The following GULP1 variants were observed in gnomAD, a reference collection of about 807,000 sequenced individuals.
GULP1 encodes GULP PTB domain containing engulfment adaptor 1.
Under a neutral mutation model 40.9 loss-of-function variants are expected in GULP1, and 19 were observed. The observed-to-expected ratio is 0.46, with a 90% CI of 0.32 to 0.68. The LOEUF is 0.68. Ranked by LOEUF, GULP1 falls within the 30% of genes least tolerant of loss-of-function variation. The pLI, the probability that GULP1 is intolerant of heterozygous loss-of-function variation, is 0.03. For synonymous variants in GULP1, 119 were observed against 117.6 expected, an observed-to-expected ratio of 1.01 and a Z score of -0.08; for missense variants, 312 against 362.2, an observed-to-expected ratio of 0.86 and a Z score of 1.12.
rs79400701 is a variant in GULP1, at chr2:188,402,150, T to C, written c.-45+18261T>C. On this transcript the variant is annotated intron_variant, in intron 2 of 11. Coordinates refer to ENST00000409830, the MANE Select transcript of GULP1 (RefSeq NM_016315.4). ...ACACTCACATCATCTTTAGGCTATT[T>C]TGATGGTAACAGAGGATAATTAATG... Among the ~76,000 whole-genome samples the C allele has an allele frequency of 2.2e-3, 329 of 152,246 alleles. 2 individuals carry two copies. Among genetic ancestry groups the C allele is most frequent in the African/African-American group, 7.7e-3 (321 of 41,568 alleles).
intron 1 of GULP1, 34 bp from the exon 2 acceptor site, chr2:188,383,729 T>G (rs1179498633): frequency 6.6e-6 from 1 of 152,230 alleles, no homozygotes; most frequent in Non-Finnish European, 1.5e-5. Flanking sequence ...TAATTATTGA[T>G]TAATTCTAAG....
chr2:188,584,555 T>C (rs894104307), intron 10 of GULP1, 152 bp downstream of exon 10: 6 of 405,768 alleles, frequency 1.5e-5, no homozygotes, highest in Admixed American at 1.3e-4. Context: ...AAATTTCCAT[T>C]AATTCTATTT....
At chr2:188,374,314 G>A (rs2048009468) in intron 1 of GULP1, among the ~76,000 whole-genome samples, 1 of 152,048 alleles carries the variant, frequency 6.6e-6, no homozygotes, top group Non-Finnish European at 1.5e-5. Context: ...GTATACATTA[G>A]TAAATAATAC....
chr2:188,338,536 C>T (rs2042572918), intron 1 of GULP1, among the ~76,000 whole-genome samples: 1 of 152,060 alleles, frequency 6.6e-6, no homozygotes, highest in Admixed American at 6.5e-5. Context: ...AACTCCTAGG[C>T]TCAAGCAACC....
At chr2:188,379,687 A>G (rs1232881892) in intron 1 of GULP1, among the ~76,000 whole-genome samples, 1 of 152,212 alleles carries the variant, frequency 6.6e-6, no homozygotes, top group Non-Finnish European at 1.5e-5. Flanking sequence ...TACAAATGTT[A>G]TAACATGGCA....
rs568722014 is a variant in GULP1 at position 188,538,828 on chromosome 2, C to CA, written c.262-2346dup. On this transcript the variant is annotated intron_variant, in intron 6 of 11. Transcript: ENST00000409830. ...CAAGGACATATACATAAGTGACACACAAAAAAATCAATCATTTCATTCTAG... is the reference window on the plus strand; with the variant it reads ...CAAGGACATATACATAAGTGACACACAAAAAAAATCAATCATTTCATTCTAG... 2.0e-5 allele frequency among the ~76,000 whole-genome samples: 3 copies of CA among 150,852 alleles called. No homozygotes were observed. The South Asian group carries it at 6.3e-4, about 32-fold the overall frequency.
chr2:188,489,884 G>A (rs1000932303), intron 4 of GULP1, among the ~76,000 whole-genome samples: 5 of 151,948 alleles, frequency 3.3e-5, no homozygotes, highest in Admixed American at 1.3e-4. Flanking sequence ...CAAAATACAA[G>A]AACAAATGGA....
chr2:188,412,770 T>C (rs1196427977), intron 2 of GULP1, among the ~76,000 whole-genome samples: 1 of 152,178 alleles, frequency 6.6e-6, no homozygotes, highest in Non-Finnish European at 1.5e-5. Flanking sequence ...GCTATTTTAG[T>C]AACAAGTAGG....
intron 2 of GULP1, among the ~76,000 whole-genome samples, chr2:188,473,218 G>A (rs10185750): frequency 0.1 from 15,918 of 152,094 alleles, 1,902 homozygotes; most frequent in African/African-American, 0.29. Context: ...GACATACTGT[G>A]TTGGGTCAGA....
At chr2:188,526,596 A>G (rs891428771) in intron 5 of GULP1, among the ~76,000 whole-genome samples, 7 of 152,144 alleles carry the variant, frequency 4.6e-5, no homozygotes, top group Non-Finnish European at 8.8e-5. Context: ...CTTAAGTTTT[A>G]GGAAAAAAAA....
At chr2:188,394,915 A>G (rs1452867878) in intron 2 of GULP1, among the ~76,000 whole-genome samples, 1 of 152,178 alleles carries the variant, frequency 6.6e-6, no homozygotes, top group Non-Finnish European at 1.5e-5. Flanking sequence ...TGGAATGGCA[A>G]AGGCCTCTTG....
intron 2 of GULP1, among the ~76,000 whole-genome samples, chr2:188,417,643 A>G (rs1268853337): frequency 3.3e-5 from 5 of 152,200 alleles, no homozygotes; most frequent in African/African-American, 4.8e-5. Flanking sequence ...ATTTGGCTCA[A>G]TGGAATTTTG....
rs148339491 is a variant in GULP1, at chr2:188,377,540, A to C, written c.-171-6223A>C. 2.8e-3 allele frequency among the ~76,000 whole-genome samples: 429 copies of C among 152,306 alleles called. 4 individuals are homozygous for C. Among genetic ancestry groups the C allele is most frequent in the African/African-American group, 9.6e-3 (397 of 41,556 alleles). Reference sequence around the variant, plus strand: ...TCCAGGAATACTGCCTGATTGTCTTAAGCCAGTCAGTGATTCTGCACCCCT... The same window carrying C: ...TCCAGGAATACTGCCTGATTGTCTTCAGCCAGTCAGTGATTCTGCACCCCT... On this transcript the variant is annotated intron_variant, in intron 1 of 11. Transcript: ENST00000409830.
intron 7 of GULP1, among the ~76,000 whole-genome samples, chr2:188,543,787 A>G (rs942618017): frequency 6.6e-6 from 1 of 151,920 alleles, no homozygotes; most frequent in African/African-American, 2.4e-5. Context: ...ATGCTATATT[A>G]CTCCCATAAC....
intron 2 of GULP1, among the ~76,000 whole-genome samples, chr2:188,385,501 G>A (rs917392905): frequency 3.3e-5 from 5 of 152,156 alleles, no homozygotes; most frequent in Non-Finnish European, 5.9e-5. Flanking sequence ...CCATTATCTT[G>A]ATGATTAACA....
intron 1 of GULP1, among the ~76,000 whole-genome samples, chr2:188,378,918 A>G (rs116346223): frequency 0.012 from 1,871 of 152,246 alleles, 11 homozygotes; most frequent in Non-Finnish European, 0.019. Flanking sequence ...AGGTGTCTAA[A>G]TATTATCTTT....
At chr2:188,302,691 C>T (rs1001178008) in intron 1 of GULP1, among the ~76,000 whole-genome samples, 4 of 152,184 alleles carry the variant, frequency 2.6e-5, no homozygotes, top group African/African-American at 9.7e-5. Context: ...GCGTCCTCTT[C>T]TCAACCAGGC....
chr2:188,335,106 CAT>C (rs1330161208), intron 1 of GULP1, among the ~76,000 whole-genome samples: 8 of 152,282 alleles, frequency 5.3e-5, no homozygotes, highest in South Asian at 4.1e-4. Context: ...GTTTAATACA[CAT>C]GTGTATATTT....
chr2:188,457,111 G>GTAC (rs2059332582), intron 2 of GULP1, among the ~76,000 whole-genome samples: 1 of 152,098 alleles, frequency 6.6e-6, no homozygotes, highest in Non-Finnish European at 1.5e-5. Flanking sequence ...AGGCTTATAG[G>GTAC]CAGAAGGGAC....
Sources: gnomAD v4.1 joint callset for allele counts (sites outside exome capture counted in the v4.1 genomes callset) on GRCh38, gnomAD v4.1.1 for gene constraint, MANE v1.5 for transcripts, NCBI Gene and HGNC (gene_info 2026-07-23, HGNC 2026-07-21) for gene names.